Variants in INF2 observed in about 807,000 individuals in gnomAD.
INF2 encodes inverted formin-2.
INF2 carries 43 observed loss-of-function variants against 123.5 expected under a neutral mutation model. The observed-to-expected ratio is 0.35, with a 90% CI of 0.27 to 0.45. The LOEUF (loss-of-function observed/expected upper bound fraction) is 0.45, where lower values mean the gene tolerates loss of function less well. Among genes scored for constraint, INF2 ranks in the 20% least tolerant of loss-of-function variants. INF2 has a pLI of 1.00. For missense variants in INF2, 1,453 were observed against 1,682.7 expected (o/e 0.86, Z 2.39); for synonymous variants, 851 against 745.0 (o/e 1.14, Z -2.32).
chr14:104,707,778 C>A lies in INF2; in HGVS notation c.1511C>A (p.Pro504Gln), dbSNP rs1436237192. Residue 504 changes from proline to glutamine, a missense_variant, in exon 8 of 23, where the codon CCA becomes CAA. Around this residue, in one of 8 missense-constraint regions of INF2, gnomAD observed 374 missense variants for 303.7 expected, o/e 1.23. Transcript: ENST00000392634. ...LPGLGCPPPP[P>Q]PLLPGMGWGP... Reference sequence around the variant, plus strand: ...GGCTTGGGATGCCCGCCCCCACCCCCACCCCTGCTGCCTGGTATGGGCTGG... The same window carrying A: ...GGCTTGGGATGCCCGCCCCCACCCCAACCCCTGCTGCCTGGTATGGGCTGG... The A allele has an allele frequency of 3.6e-6, 5 of 1,377,964 alleles. No individual in the cohort carries two copies. Among genetic ancestry groups the A allele is most frequent in the Non-Finnish European group, 4.0e-6 (4 of 998,864 alleles). The allele number at this position is 1,377,964 out of a possible 1,614,324, so 85.4% of individuals were successfully genotyped here.
Position 104,714,217 on chromosome 14 carries a change from C to A in INF2, c.3055C>A (p.Pro1019Thr). The A allele has an allele frequency of 1.3e-6, 2 of 1,542,640 alleles. No individual in the cohort carries two copies. Among genetic ancestry groups the A allele is most frequent in the South Asian group, 1.3e-5 (1 of 79,322 alleles). ...CCTCCATCCAGTGGCCACCAGTAAC[C>A]CTGCAGGAGATCCCGTGGGCAGCAC... ...RATEPVATSN[P>T]AGDPVGSTRC... The change falls in exon 21 of 23, where the codon CCT (proline) becomes ACT (threonine). Residue 1019 changes from proline (P) to threonine (T), a missense_variant. Transcript: ENST00000392634.
chr14:104,698,254 G>A (rs117507755), intron 1 of INF2, among the ~76,000 whole-genome samples: 120 of 152,332 alleles, frequency 7.9e-4, no homozygotes, highest in Non-Finnish European at 1.3e-3. Flanking sequence ...ACCTTCCAGC[G>A]TATTGTTCCC....
Position 104,707,920 on chromosome 14 carries a change from C to T in INF2, c.1653C>T (p.Val551=), listed in dbSNP as rs1162418521. The change falls in exon 8 of 23, where the codon GTC becomes GTT. Residue 551 remains valine, a synonymous_variant. Coordinates refer to ENST00000392634, the MANE Select transcript of INF2 (RefSeq NM_022489.4). ...QVDHGLGSAW[V]PSHRRVNPPT... is the part of the protein sequence containing the mutation. ...ACCATGGCTTGGGCTCAGCATGGGT[C>T]CCCAGCCATCGGCGGGTGAACCCAC... 2 of 1,601,928 alleles carry T rather than the reference C, an allele frequency of 1.2e-6. No homozygotes were observed. The highest frequency in any genetic ancestry group is 1.7e-5 in the Admixed American group (1 of 60,004).
At chr14:104,706,199 G>C (rs758367556) in intron 6 of INF2, 23 bp downstream of exon 6, 2 of 1,548,230 alleles carry the variant, frequency 1.3e-6, no homozygotes, top group African/African-American at 2.7e-5. Context: ...CTGCAGGGCG[G>C]AGGGCAGCCC....
At chr14:104,709,218 A>G (rs1481610813) in intron 10 of INF2, 63 bp from the exon 11 acceptor site, 2 of 1,338,486 alleles carry the variant, frequency 1.5e-6, no homozygotes, top group East Asian at 4.8e-5. Context: ...TGGGGTCCCA[A>G]AGAGGCTGGG....
At chr14:104,689,590 T>TTCC, upstream of INF2, 36 of 646,934 alleles carry the variant, frequency 5.6e-5, no homozygotes, top group East Asian at 1.7e-4. Flanking sequence ...CTCCTCTTCC[T>TTCC]CCCGCCCGCC....
chr14:104,702,364 A>G (rs1379993627), intron 2 of INF2, among the ~76,000 whole-genome samples: 1 of 151,816 alleles, frequency 6.6e-6, no homozygotes, highest in Non-Finnish European at 1.5e-5. Context: ...GCGTCCTCCA[A>G]GGTCCTGCGC....
At chr14:104,702,274 C>T (rs1263976184) in intron 2 of INF2, among the ~76,000 whole-genome samples, 2 of 152,228 alleles carry the variant, frequency 1.3e-5, no homozygotes, top group Non-Finnish European at 2.9e-5. Context: ...GCCCTGTCCC[C>T]TACTCCAGCA....
At chr14:104,697,631 G>A (rs760787004) in intron 1 of INF2, among the ~76,000 whole-genome samples, 3 of 152,248 alleles carry the variant, frequency 2.0e-5, no homozygotes, top group African/African-American at 4.8e-5. Flanking sequence ...GTAGGCATTC[G>A]GATGGAGGTG....
intron 8 of INF2, 146 bp downstream of exon 8, chr14:104,708,148 C>A: frequency 7.5e-7 from 1 of 1,331,144 alleles, no homozygotes; most frequent in Non-Finnish European, 1.0e-6. Flanking sequence ...CTGGGCTCGG[C>A]GCCTGTGGTT....
intron 4 of INF2, among the ~76,000 whole-genome samples, 159 bp downstream of exon 4, chr14:104,703,613 T>A (rs190020116): frequency 2.0e-5 from 3 of 152,328 alleles, no homozygotes; most frequent in African/African-American, 7.2e-5. Flanking sequence ...CACCTGCCCC[T>A]TCAATGGACA....
chr14:104,695,580 A>ACCCCCC (rs539837179), intron 1 of INF2, among the ~76,000 whole-genome samples: 1 of 136,252 alleles, frequency 7.3e-6, no homozygotes, highest in South Asian at 2.2e-4. Context: ...GCGCTTGCCG[A>ACCCCCC]CTCTCCTCCC....
chr14:104,710,047 G>A (rs372988129), intron 12 of INF2, 41 bp from the exon 13 acceptor site: 27 of 1,467,826 alleles, frequency 1.8e-5, no homozygotes, highest in Admixed American at 9.8e-5. Context: ...AGGGACAGGT[G>A]GGGGGTGCAG....
At chr14:104,683,275 CT>C (rs769952937) in intron 1 of INF2, among the ~76,000 whole-genome samples, 1 of 152,150 alleles carries the variant, frequency 6.6e-6, no homozygotes, top group Non-Finnish European at 1.5e-5. Flanking sequence ...CCTGGTGACC[CT>C]TCCAGAATAA....
chr14:104,681,147 A>G (rs1888518529), exon 1 of INF2: 1 of 236,540 alleles, frequency 4.2e-6, no homozygotes, highest in Non-Finnish European at 8.6e-6. Flanking sequence ...GGGGGGTGGC[A>G]CCAGGCTGTG....
intron 22 of INF2, among the ~76,000 whole-genome samples, chr14:104,717,329 T>C (rs528571217): frequency 4.3e-4 from 39 of 90,952 alleles, no homozygotes; most frequent in African/African-American, 1.6e-3. Context: ...GCCGTCCTCC[T>C]AGTCCGCCCC....
At position 104,719,157 on chromosome 14, in the gene INF2, C is replaced by A; in HGVS notation, c.*364C>A. On this transcript the variant is annotated 3_prime_UTR_variant, in exon 23 of 23. Transcript: ENST00000392634. Reference sequence around the variant, plus strand: ...CACCACAGCTCTGCCTGCCCTTCAGCCCAGCAAGGTTTAATCAAAATGCAA... The same window carrying A: ...CACCACAGCTCTGCCTGCCCTTCAGACCAGCAAGGTTTAATCAAAATGCAA... 3 of 349,546 alleles carry A rather than the reference C, an allele frequency of 8.6e-6. No homozygotes were observed. In the South Asian group the frequency reaches 2.0e-4, roughly 23 times the overall value. The allele number at this position is 349,546 out of a possible 1,614,324, so 21.7% of individuals were successfully genotyped here.
chr14:104,712,927 C>G lies in INF2; in HGVS notation c.2710C>G (p.Leu904Val). 6.2e-7 allele frequency: 1 copy of G among 1,612,738 alleles called. No homozygotes were observed. Among genetic ancestry groups the G allele is most frequent in the Non-Finnish European group, 8.5e-7 (1 of 1,179,818 alleles). The change falls in exon 18 of 23, where the codon CTG becomes GTG. Residue 904 changes from leucine to valine, a missense_variant. This residue lies in a region of INF2 where 212 missense variants were observed against 266.2 expected (regional missense o/e 0.80). Transcript: ENST00000392634. ...ADYLCEDAQQ[L>V]SLEDTFSTMK... ...CTACCTGTGTGAGGACGCCCAGCAGCTGTCCCTGGAGGACACGTTCAGCAC... is the reference window on the plus strand; with the variant it reads ...CTACCTGTGTGAGGACGCCCAGCAGGTGTCCCTGGAGGACACGTTCAGCAC...
chr14:104,693,885 T>C (rs912504915), intron 1 of INF2, among the ~76,000 whole-genome samples: 2 of 152,156 alleles, frequency 1.3e-5, no homozygotes, highest in Non-Finnish European at 2.9e-5. Flanking sequence ...CAGGCACAGC[T>C]CAGACTGTCG....
Sources: gnomAD v4.1 joint callset for allele counts (sites outside exome capture counted in the v4.1 genomes callset) on GRCh38, gnomAD v4.1.1 for gene constraint, gnomAD v4.1.1 regional missense constraint, MANE v1.5 for transcripts, NCBI Gene and HGNC (gene_info 2026-07-23, HGNC 2026-07-21) for gene names.